The following LONP2 variants were observed in gnomAD, a reference collection of about 807,000 sequenced individuals.
LONP2 encodes lon peptidase 2, peroxisomal.
A neutral mutation model predicts 85.6 loss-of-function variants in LONP2; 60 were observed. The ratio of observed to expected loss-of-function variants is 0.70; its 90% CI spans 0.57 to 0.87. The LOEUF (loss-of-function observed/expected upper bound fraction) is 0.87. Among genes scored for constraint, LONP2 ranks in the 40% least tolerant of loss-of-function variants. The probability of loss-of-function intolerance (pLI) is 0.00; values close to 1 mark genes in which losing one functional copy is unlikely to be tolerated. For synonymous variants in LONP2, 395 were observed against 389.7 expected (o/e 1.01, Z -0.16); for missense variants, 860 against 1,063.5 (o/e 0.81, Z 2.66).
chr16:48,328,426 TC>T (rs1959320894), intron 11 of LONP2, among the ~76,000 whole-genome samples: 1 of 150,902 alleles, frequency 6.6e-6, no homozygotes, highest in Non-Finnish European at 1.5e-5. Flanking sequence ...ACACCTGTAA[TC>T]CCAGCACTTT....
chr16:48,296,186 T>G (rs771109305), intron 9 of LONP2, 21 bp downstream of exon 9: 17 of 1,611,248 alleles, frequency 1.1e-5, no homozygotes, highest in Non-Finnish European at 1.4e-5. Context: ...CTTAAATCAT[T>G]ATGATACATC....
intron 7 of LONP2, among the ~76,000 whole-genome samples, chr16:48,272,571 C>T (rs1016524738): frequency 6.6e-6 from 1 of 152,118 alleles, no homozygotes; most frequent in Non-Finnish European, 1.5e-5. Flanking sequence ...GTGTTACAAT[C>T]ACCATTGCCT....
In LONP2 at chr16:48,314,377, C is replaced by T. The variant is rs143635481; in HGVS notation, c.1795+11072C>T. On this transcript the variant is annotated intron_variant, in intron 11 of 14. Coordinates refer to ENST00000285737, the MANE Select transcript of LONP2 (RefSeq NM_031490.5). ...GTCATTTTCTTCATGAAATCTTTGC[C>T]CGTGCCTATGTCCTGAATGGTATTG... is the stretch of plus-strand genomic sequence containing the variant. 1.0e-3 allele frequency among the ~76,000 whole-genome samples: 159 copies of T among 152,150 alleles called. No individual in the cohort carries two copies. The East Asian group carries it at 0.012, about 11-fold the overall frequency.
At chr16:48,283,992 C>T (rs190727383) in intron 8 of LONP2, among the ~76,000 whole-genome samples, 1 of 152,218 alleles carries the variant, frequency 6.6e-6, no homozygotes, top group East Asian at 1.9e-4. Flanking sequence ...GATTCCAGCC[C>T]TCATGGATGA....
chr16:48,250,755 T>G (rs921003747), intron 1 of LONP2, among the ~76,000 whole-genome samples: 3 of 152,228 alleles, frequency 2.0e-5, no homozygotes, highest in Non-Finnish European at 4.4e-5. Context: ...TAAGTTATTC[T>G]CTAATCAGTT....
Position 48,258,672 on chromosome 16 carries a change from G to A in LONP2, c.655G>A (p.Val219Ile), listed in dbSNP as rs771762113. 6.2e-7 allele frequency: 1 copy of A among 1,611,638 alleles called. No individual in the cohort carries two copies. The highest frequency in any genetic ancestry group is 8.5e-7 in the Non-Finnish European group (1 of 1,179,050). Residue 219 changes from valine (V) to isoleucine (I), a missense_variant, in exon 4 of 15, where the codon GTC becomes ATC. Around this residue, in one of 3 missense-constraint regions of LONP2, gnomAD observed 743 missense variants for 917.3 expected, o/e 0.81. Coordinates refer to ENST00000285737, the MANE Select transcript of LONP2 (RefSeq NM_031490.5). Reference protein sequence around the residue: ...ERFKMTIPLLVRQIEGLKLLQ... With the variant: ...ERFKMTIPLLIRQIEGLKLLQ... ...GTTCAAGATGACTATACCACTGCTTGTCAGACAAATTGAAGGCCTGAAATT... is the reference window on the plus strand; with the variant it reads ...GTTCAAGATGACTATACCACTGCTTATCAGACAAATTGAAGGCCTGAAATT...
intron 12 of LONP2, among the ~76,000 whole-genome samples, chr16:48,338,197 C>T (rs958574794): frequency 1.5e-4 from 23 of 152,158 alleles, no homozygotes; most frequent in African/African-American, 5.3e-4. Context: ...GAGTTTGATT[C>T]ATTTAATAAA....
intron 7 of LONP2, 100 bp from the exon 8 acceptor site, chr16:48,277,238 G>A: frequency 8.6e-7 from 1 of 1,157,596 alleles, no homozygotes. Context: ...TATAGTGATA[G>A]CTAAATGATC....
chr16:48,275,219 C>G (rs547123372), intron 7 of LONP2, among the ~76,000 whole-genome samples: 1 of 152,120 alleles, frequency 6.6e-6, no homozygotes, highest in African/African-American at 2.4e-5. Flanking sequence ...TATAACCCAC[C>G]AGGTTGACAC....
intron 11 of LONP2, among the ~76,000 whole-genome samples, chr16:48,329,498 T>C (rs1487480100): frequency 6.6e-6 from 1 of 152,236 alleles, no homozygotes; most frequent in Admixed American, 6.5e-5. Flanking sequence ...GCAGTGATGC[T>C]GGCATTCTGG....
chr16:48,298,341 A>G (rs1417141292), intron 9 of LONP2, among the ~76,000 whole-genome samples: 1 of 152,164 alleles, frequency 6.6e-6, no homozygotes. Context: ...TTTAGAGACA[A>G]AGGAAATCTA....
rs1960403195 is a variant in LONP2, at chr16:48,357,178, G to A, written c.*5376G>A. The A allele has an allele frequency of 6.6e-6, 1 of 152,124 alleles. No homozygotes were observed. The highest frequency in any genetic ancestry group is 2.4e-5 in the African/African-American group (1 of 41,422). 9.4% of individuals were successfully genotyped at this position (152,124 alleles called of 1,614,324 possible). On this transcript the variant is annotated 3_prime_UTR_variant, in exon 15 of 15. Transcript: ENST00000285737. ...GACATCATACCCTTTTGTGGAGGAG[G>A]GACCAGGCAGAGAAGGTATTTAAAT...
At chr16:48,330,407 C>T (rs1959400912) in intron 11 of LONP2, among the ~76,000 whole-genome samples, 1 of 152,184 alleles carries the variant, frequency 6.6e-6, no homozygotes. Context: ...CAATCTTGGG[C>T]AAGGCCAGCA....
At chr16:48,287,131 G>A (rs1171818464) in intron 8 of LONP2, among the ~76,000 whole-genome samples, 1 of 152,210 alleles carries the variant, frequency 6.6e-6, no homozygotes, top group East Asian at 1.9e-4. Flanking sequence ...CCTTGCCCAA[G>A]GGGCTCTTAT....
chr16:48,305,026 G>GC (rs1315750284), intron 11 of LONP2, among the ~76,000 whole-genome samples: 1 of 152,188 alleles, frequency 6.6e-6, no homozygotes, highest in Non-Finnish European at 1.5e-5. Context: ...TACAGCAGTA[G>GC]CATCAGAGTC....
At chr16:48,277,765 C>CA (rs957092109) in intron 8 of LONP2, among the ~76,000 whole-genome samples, 7 of 150,838 alleles carry the variant, frequency 4.6e-5, no homozygotes, top group Non-Finnish European at 8.9e-5. Context: ...ACAGTTATGG[C>CA]AAAAAAAACA....
chr16:48,261,468 T>G lies in LONP2; in HGVS notation c.768T>G (p.Gly256=), dbSNP rs1293147586. 1 of 1,609,462 alleles carries G rather than the reference T, an allele frequency of 6.2e-7. No homozygotes were observed. The highest frequency in any genetic ancestry group is 1.1e-5 in the South Asian group (1 of 90,594). ...TTAGGAGAATTACACATATCTCAGG[T>G]ACTTTAGAAGATGAAGATGAAGATG... ...RPIRRITHIS[G]TLEDEDEDED... The change falls in exon 5 of 15, where the codon GGT becomes GGG. Residue 256 remains glycine, a synonymous_variant. Transcript: ENST00000285737.
intron 9 of LONP2, among the ~76,000 whole-genome samples, chr16:48,299,036 A>G (rs745445686): frequency 1.3e-5 from 2 of 151,528 alleles, no homozygotes; most frequent in Non-Finnish European, 2.9e-5. Context: ...GACTACAGAC[A>G]TGCGCAACCA....
chr16:48,262,277 CAA>C (rs202055206), intron 5 of LONP2, among the ~76,000 whole-genome samples: 1 of 150,710 alleles, frequency 6.6e-6, no homozygotes, highest in African/African-American at 2.4e-5. Flanking sequence ...ATCTCTGATA[CAA>C]AAAAAAATGT....
Sources: gnomAD v4.1 joint callset for allele counts (sites outside exome capture counted in the v4.1 genomes callset) on GRCh38, gnomAD v4.1.1 for gene constraint, gnomAD v4.1.1 regional missense constraint, MANE v1.5 for transcripts, NCBI Gene and HGNC (gene_info 2026-07-23, HGNC 2026-07-21) for gene names.